PBX4: variants seen among roughly 807,000 people sequenced by gnomAD.
PBX4 encodes PBX homeobox 4.
PBX4 carries 26 observed loss-of-function variants against 35.1 expected under a neutral mutation model. The ratio of observed to expected loss-of-function variants is 0.74; its 90% confidence interval spans 0.54 to 1.03. The LOEUF is 1.03. Among genes scored for constraint, PBX4 ranks in the 50% least tolerant of loss-of-function variants. The pLI, the probability that PBX4 is intolerant of heterozygous loss-of-function variation, is 0.00. For missense variants in PBX4, 448 were observed against 504.3 expected, an observed-to-expected ratio of 0.89 and a Z score of 1.07; for synonymous variants, 199 against 204.2, an observed-to-expected ratio of 0.97 and a Z score of 0.22.
intron 1 of PBX4, among the ~76,000 whole-genome samples, chr19:19,615,120 G>A (rs918783816): frequency 1.5e-5 from 2 of 130,378 alleles, no homozygotes; most frequent in African/African-American, 6.0e-5. Context: ...AGCTGAGACT[G>A]CACCACTGCA....
At chr19:19,613,697 G>A (rs918275418) in intron 1 of PBX4, among the ~76,000 whole-genome samples, 2 of 152,096 alleles carry the variant, frequency 1.3e-5, no homozygotes, top group Non-Finnish European at 2.9e-5. Flanking sequence ...ACATTCCTGG[G>A]TGTGTCAAAA....
At chr19:19,611,267 C>T (rs1236295337) in intron 1 of PBX4, among the ~76,000 whole-genome samples, 5 of 152,170 alleles carry the variant, frequency 3.3e-5, no homozygotes, top group African/African-American at 1.2e-4. Flanking sequence ...ACTTCATTAT[C>T]TCCCCTTCAT....
intron 2 of PBX4, among the ~76,000 whole-genome samples, chr19:19,579,147 G>A (rs1487082079): frequency 1.3e-5 from 2 of 152,136 alleles, no homozygotes; most frequent in East Asian, 3.9e-4. Flanking sequence ...TCAATAGATC[G>A]AGACCATCCT....
At chr19:19,572,433 C>T (rs770024556) in intron 2 of PBX4, among the ~76,000 whole-genome samples, 3 of 152,144 alleles carry the variant, frequency 2.0e-5, no homozygotes, top group East Asian at 1.9e-4. Flanking sequence ...ATGACAATTC[C>T]GTTTGATTAT....
At chr19:19,607,515 C>G (rs910332180) in intron 1 of PBX4, among the ~76,000 whole-genome samples, 1 of 152,128 alleles carries the variant, frequency 6.6e-6, no homozygotes, top group African/African-American at 2.4e-5. Flanking sequence ...AACCAATATT[C>G]AAAATCTATA....
At chr19:19,604,121 C>T (rs2061614601) in intron 1 of PBX4, among the ~76,000 whole-genome samples, 2 of 152,090 alleles carry the variant, frequency 1.3e-5, no homozygotes, top group African/African-American at 4.8e-5. Flanking sequence ...TTAAAAGCCA[C>T]AGCTGAATAA....
intron 5 of PBX4, among the ~76,000 whole-genome samples, chr19:19,566,551 T>G (rs1322798111): frequency 2.6e-5 from 4 of 152,180 alleles, no homozygotes; most frequent in Admixed American, 2.6e-4. Context: ...AAACATTTTT[T>G]TCTCACTCTG....
chr19:19,574,231 G>A (rs1399487076), intron 2 of PBX4, among the ~76,000 whole-genome samples: 2 of 152,054 alleles, frequency 1.3e-5, no homozygotes, highest in Non-Finnish European at 2.9e-5. Flanking sequence ...AGGAATGAGG[G>A]CATCAGGATA....
intron 2 of PBX4, chr19:19,579,941 C>G (rs1432945846): frequency 6.6e-6 from 1 of 152,374 alleles, no homozygotes; most frequent in African/African-American, 2.4e-5. Context: ...TCCTCCCCAT[C>G]TCCCCCCACC....
chr19:19,569,405 C>T, intron 5 of PBX4, 44 bp downstream of exon 5: 1 of 1,576,732 alleles, frequency 6.3e-7, no homozygotes, highest in Non-Finnish European at 8.6e-7. Context: ...CCTAGTCATC[C>T]ACTCCTCCCA....
intron 1 of PBX4, among the ~76,000 whole-genome samples, chr19:19,616,020 A>G (rs138925911): frequency 8.8e-4 from 134 of 152,246 alleles, no homozygotes; most frequent in African/African-American, 3.1e-3. Context: ...TAGTGGGTAC[A>G]CAGTCCACAC....
intron 2 of PBX4, among the ~76,000 whole-genome samples, chr19:19,571,582 G>C (rs552274307): frequency 3.7e-4 from 56 of 152,242 alleles, no homozygotes; most frequent in African/African-American, 1.2e-3. Context: ...GGCAGTCAGA[G>C]AACCCCCAGG....
chr19:19,587,534 G>C (rs1425233182), intron 2 of PBX4, among the ~76,000 whole-genome samples: 1 of 145,800 alleles, frequency 6.9e-6, no homozygotes, highest in Admixed American at 7.1e-5. Flanking sequence ...GTTGTGGTGA[G>C]CCAAGATCGA....
At chr19:19,569,121 C>A (rs2061363827) in intron 5 of PBX4, among the ~76,000 whole-genome samples, 1 of 152,138 alleles carries the variant, frequency 6.6e-6, no homozygotes, top group African/African-American at 2.4e-5. Flanking sequence ...TGCAGTGGCG[C>A]CATCATAGCT....
chr19:19,589,811 T>A (rs1314974939), intron 2 of PBX4, among the ~76,000 whole-genome samples: 1 of 152,082 alleles, frequency 6.6e-6, no homozygotes, highest in Non-Finnish European at 1.5e-5. Flanking sequence ...GGTGTGCCAA[T>A]CCCACAACAG....
chr19:19,605,358 G>A (rs1230496608), intron 1 of PBX4, among the ~76,000 whole-genome samples: 1 of 150,428 alleles, frequency 6.6e-6, no homozygotes, highest in African/African-American at 2.4e-5. Context: ...GGAGGCTACA[G>A]TGAGCTGAGA....
At position 19,570,805 on chromosome 19, in the gene PBX4, T is replaced by C; in HGVS notation, c.222A>G (p.Glu74=). ...TCAGGAGCTGGGCGTCAGGGGGATC[T>C]TCGTCTTGAATGCCACGGATGCTTA... ...TVVSIRGIQD[E]DPPDAQLLRL... Residue 74 remains glutamate, a synonymous_variant, in exon 3 of 8, where the codon GAA becomes GAG. Coordinates refer to ENST00000251203, the MANE Select transcript of PBX4 (RefSeq NM_025245.3). 1 of 1,614,094 alleles carries C rather than the reference T, an allele frequency of 6.2e-7. No individual in the cohort carries two copies. The highest frequency in any genetic ancestry group is 8.5e-7 in the Non-Finnish European group (1 of 1,180,034).
intron 2 of PBX4, among the ~76,000 whole-genome samples, chr19:19,577,661 C>T (rs1443755583): frequency 6.6e-6 from 1 of 151,512 alleles, no homozygotes; most frequent in Admixed American, 6.6e-5. Flanking sequence ...GAGGTCGAGA[C>T]CATCCTGGCT....
At position 19,569,564 on chromosome 19, in the gene PBX4, C is replaced by T. The variant is rs567185157; in HGVS notation, c.653G>A (p.Ser218Asn). 1 of 1,613,540 alleles carries T rather than the reference C, an allele frequency of 6.2e-7. No homozygotes were observed. Among genetic ancestry groups the T allele is most frequent in the Middle Eastern group, 1.7e-4 (1 of 6,056 alleles). Residue 218 changes from serine to asparagine, a missense_variant, in exon 5 of 8, where the codon AGC (serine) becomes AAC (asparagine). Transcript: ENST00000251203. ...LDARRKRRNF[S>N]KQATEVLNEY... Reference sequence around the variant, plus strand: ...ATTCAGCACTTCCGTCGCCTGCTTGCTGAAATTCCGCCGCTTGCGCCTGCA... The same window carrying T: ...ATTCAGCACTTCCGTCGCCTGCTTGTTGAAATTCCGCCGCTTGCGCCTGCA...
Sources: gnomAD v4.1 joint callset for allele counts (sites outside exome capture counted in the v4.1 genomes callset) on GRCh38, gnomAD v4.1.1 for gene constraint, MANE v1.5 for transcripts, NCBI Gene and HGNC (gene_info 2026-07-23, HGNC 2026-07-21) for gene names.